Variants in SPATA9 observed in about 807,000 individuals in gnomAD.
SPATA9 encodes the protein spermatogenesis associated 9.
In SPATA9, 27 loss-of-function variants were observed where a neutral mutation model predicts 25.5. The ratio of observed to expected loss-of-function variants is 1.06; its 90% CI spans 0.78 to 1.46. The LOEUF is 1.46. Ranked by LOEUF, SPATA9 falls within the 40% of genes most tolerant of loss-of-function variation. The pLI, the probability that SPATA9 is intolerant of heterozygous loss-of-function variation, is 0.00. For missense variants in SPATA9, 282 were observed against 297.5 expected (o/e 0.95, Z 0.38); for synonymous variants, 102 against 105.7 (o/e 0.97, Z 0.21).
chr5:95,695,871 A>C (rs1754007453), intron 1 of SPATA9, among the ~76,000 whole-genome samples: 1 of 152,144 alleles, frequency 6.6e-6, no homozygotes, highest in Admixed American at 6.6e-5. Context: ...AAATGATGGA[A>C]TGTTACTTCA....
chr5:95,669,364 A>G (rs1324061700), intron 3 of SPATA9, among the ~76,000 whole-genome samples: 1 of 152,174 alleles, frequency 6.6e-6, no homozygotes, highest in Non-Finnish European at 1.5e-5. Context: ...ACTTCCTGAT[A>G]TTTATGAGGT....
intron 3 of SPATA9, chr5:95,674,795 CA>C (rs966519697): frequency 2.6e-5 from 12 of 456,468 alleles, no homozygotes; most frequent in African/African-American, 1.8e-4. Flanking sequence ...TCTCCTTCAA[CA>C]AAGAGTTCAA....
the SPATA9 span, among the ~76,000 whole-genome samples, chr5:95,718,451 G>C: frequency 4.3e-4 from 65 of 152,330 alleles, no homozygotes; most frequent in South Asian, 1.0e-3. Flanking sequence ...TTAGCTAATT[G>C]TGGGAAGCTG....
intron 4 of SPATA9, among the ~76,000 whole-genome samples, chr5:95,660,367 A>G (rs944218332): frequency 1.3e-5 from 2 of 152,198 alleles, no homozygotes; most frequent in Non-Finnish European, 2.9e-5. Context: ...TTAGATTTTA[A>G]CATAAGAATT....
At chr5:95,716,077 G>A in the SPATA9 span, among the ~76,000 whole-genome samples, 1 of 152,262 alleles carries the variant, frequency 6.6e-6, no homozygotes, top group South Asian at 2.1e-4. Flanking sequence ...GGTGAGGATG[G>A]AGAGTAGAGA....
At chr5:95,715,233 A>G in the SPATA9 span, among the ~76,000 whole-genome samples, 2 of 151,816 alleles carry the variant, frequency 1.3e-5, no homozygotes, top group Non-Finnish European at 2.9e-5. Context: ...CTGAGGCAGG[A>G]GAATGGCATG....
At chr5:95,727,560 G>T in the SPATA9 span, among the ~76,000 whole-genome samples, 2 of 152,138 alleles carry the variant, frequency 1.3e-5, 1 homozygote, top group Non-Finnish European at 2.9e-5. Flanking sequence ...ATATTGTTTG[G>T]GTTGGAAGCC....
chr5:95,695,071 T>C (rs1473465145), intron 1 of SPATA9, among the ~76,000 whole-genome samples: 1 of 152,234 alleles, frequency 6.6e-6, no homozygotes, highest in African/African-American at 2.4e-5. Context: ...TATGAAGTCT[T>C]TATACCACAT....
intron 1 of SPATA9, among the ~76,000 whole-genome samples, chr5:95,696,540 T>G (rs1754026249): frequency 1.3e-5 from 2 of 152,234 alleles, no homozygotes; most frequent in Admixed American, 1.3e-4. Context: ...TAATAGTTTT[T>G]CCAGATAACA....
chr5:95,673,324 G>T (rs894501179), intron 3 of SPATA9, among the ~76,000 whole-genome samples: 9 of 152,082 alleles, frequency 5.9e-5, no homozygotes, highest in African/African-American at 2.2e-4. Flanking sequence ...TGATGCTTTT[G>T]CTGTGAATAA....
chr5:95,708,085 T>C, the SPATA9 span, among the ~76,000 whole-genome samples: 2 of 152,162 alleles, frequency 1.3e-5, no homozygotes, highest in African/African-American at 2.4e-5. Flanking sequence ...CTGATTAAAG[T>C]AGTTAGCCAG....
chr5:95,661,744 CT>C (rs1751281912), intron 4 of SPATA9, among the ~76,000 whole-genome samples: 1 of 152,000 alleles, frequency 6.6e-6, no homozygotes, highest in African/African-American at 2.4e-5. Context: ...AAAGTAAGTT[CT>C]ACCTTTTTTC....
downstream of SPATA9, chr5:95,656,516 C>T (rs10476543): frequency 1.6e-3 from 790 of 479,728 alleles, 11 homozygotes; most frequent in African/African-American, 0.014. Context: ...ATCGAATCTT[C>T]TGGATTAATT....
At chr5:95,671,718 T>A (rs764786124) in intron 3 of SPATA9, among the ~76,000 whole-genome samples, 5 of 152,096 alleles carry the variant, frequency 3.3e-5, no homozygotes, top group Non-Finnish European at 5.9e-5. Flanking sequence ...CGCTATTTGT[T>A]GAATAAATAA....
chr5:95,678,040 A>G (rs1311206545), intron 2 of SPATA9, among the ~76,000 whole-genome samples: 1 of 152,238 alleles, frequency 6.6e-6, no homozygotes, highest in East Asian at 1.9e-4. Context: ...AGGGTTGGAA[A>G]GAACTGAACC....
downstream of SPATA9, chr5:95,653,925 A>G (rs1354159324): frequency 3.1e-5 from 19 of 612,340 alleles, 1 homozygote; most frequent in Non-Finnish European, 5.4e-5. Context: ...GTATTTATAA[A>G]TGTTTTATAT....
At chr5:95,680,790 A>G (rs1225452254) in intron 2 of SPATA9, among the ~76,000 whole-genome samples, 1 of 151,862 alleles carries the variant, frequency 6.6e-6, no homozygotes, top group Non-Finnish European at 1.5e-5. Flanking sequence ...TTATAACTCA[A>G]CTCCAAGGCT....
chr5:95,659,115 A>G (rs180957721), intron 4 of SPATA9, among the ~76,000 whole-genome samples: 13 of 152,306 alleles, frequency 8.5e-5, no homozygotes, highest in African/African-American at 3.1e-4. Flanking sequence ...TCTAGAGAGC[A>G]ATTTAAAACC....
At chr5:95,679,232 G>C (rs1452384252) in intron 2 of SPATA9, among the ~76,000 whole-genome samples, 1 of 152,210 alleles carries the variant, frequency 6.6e-6, no homozygotes, top group Non-Finnish European at 1.5e-5. Context: ...GGTTTTCCAT[G>C]CCTGTCTCTG....
Sources: gnomAD v4.1 joint callset for allele counts (sites outside exome capture counted in the v4.1 genomes callset) on GRCh38, gnomAD v4.1.1 for gene constraint, MANE v1.5 for transcripts, NCBI Gene and HGNC (gene_info 2026-07-23, HGNC 2026-07-21) for gene names.